CNTN4: variants seen among roughly 807,000 people sequenced by gnomAD.
The protein encoded by CNTN4 is contactin-4.
Under a neutral mutation model 122.5 loss-of-function variants are expected in CNTN4, and 77 were observed. The observed-to-expected ratio is 0.63, with a 90% CI of 0.52 to 0.76. The LOEUF (loss-of-function observed/expected upper bound fraction) is 0.76, where lower values mean the gene tolerates loss of function less well. Ranked by LOEUF, CNTN4 falls within the 30% of genes least tolerant of loss-of-function variation. The pLI, the probability that CNTN4 is intolerant of heterozygous loss-of-function variation, is 0.00. For synonymous variants in CNTN4, 512 were observed against 447.0 expected (o/e 1.15, Z -1.83); for missense variants, 1,256 against 1,259.1 (o/e 1.00, Z 0.04).
At chr3:2,470,874 G>A (rs1229628426) in intron 3 of CNTN4, among the ~76,000 whole-genome samples, 1 of 152,128 alleles carries the variant, frequency 6.6e-6, no homozygotes, top group Non-Finnish European at 1.5e-5. Context: ...GAGACGTCTG[G>A]TATATGTAAG....
At chr3:2,495,401 C>T (rs1357970141) in intron 3 of CNTN4, among the ~76,000 whole-genome samples, 1 of 152,226 alleles carries the variant, frequency 6.6e-6, no homozygotes, top group South Asian at 2.1e-4. Context: ...ACAAATATGA[C>T]TTATTCAATA....
chr3:2,551,013 G>T (rs1182111674), intron 3 of CNTN4, among the ~76,000 whole-genome samples: 1 of 151,980 alleles, frequency 6.6e-6, no homozygotes, highest in Non-Finnish European at 1.5e-5. Flanking sequence ...ATGACAGGTT[G>T]ATGAGTGCAG....
intron 10 of CNTN4, among the ~76,000 whole-genome samples, chr3:2,894,815 C>G (rs970574944): frequency 6.6e-6 from 1 of 152,074 alleles, no homozygotes; most frequent in African/African-American, 2.4e-5. Context: ...TTTTGAAAAT[C>G]CACATATTGC....
At chr3:2,425,541 C>A (rs1273526658) in intron 3 of CNTN4, among the ~76,000 whole-genome samples, 1 of 151,896 alleles carries the variant, frequency 6.6e-6, no homozygotes, top group African/African-American at 2.4e-5. Context: ...TTAGGATTGT[C>A]TTGGCAATGT....
chr3:2,271,026 G>C (rs2041272219), intron 2 of CNTN4, among the ~76,000 whole-genome samples: 1 of 152,040 alleles, frequency 6.6e-6, no homozygotes, highest in South Asian at 2.1e-4. Flanking sequence ...TATTAACTTA[G>C]GGACCTCTCT....
intron 3 of CNTN4, among the ~76,000 whole-genome samples, chr3:2,450,603 C>T (rs1207310781): frequency 6.6e-6 from 1 of 152,006 alleles, no homozygotes; most frequent in African/African-American, 2.4e-5. Flanking sequence ...GTCACTTTGT[C>T]TCCTGTCCAG....
chr3:2,709,576 CAATTT>C lies in CNTN4; in HGVS notation c.56-26638_56-26634del, dbSNP rs1296859886. Among the ~76,000 whole-genome samples the C allele has an allele frequency of 1.3e-5, 2 of 152,132 alleles. No homozygotes were observed. The highest frequency in any genetic ancestry group is 6.5e-5 in the Admixed American group (1 of 15,282). ...CTCCTTTCCAATTCCATAAAATGAACAATTTCACATATTGAAAAATGTTTTTAATA... is the reference window on the plus strand; with the variant it reads ...CTCCTTTCCAATTCCATAAAATGAACCACATATTGAAAAATGTTTTTAATA... On this transcript the variant is annotated intron_variant, in intron 4 of 24. Transcript: ENST00000418658. The surrounding 1 kb of genome is among the most constrained non-coding windows in gnomAD (Gnocchi z 5.0).
intron 3 of CNTN4, among the ~76,000 whole-genome samples, chr3:2,493,372 A>G (rs1022389233): frequency 1.3e-5 from 2 of 151,840 alleles, no homozygotes; most frequent in African/African-American, 2.4e-5. Context: ...GTAGTGAGAT[A>G]ATATTTTAGC....
At chr3:2,597,739 G>T (rs75641127) in intron 4 of CNTN4, among the ~76,000 whole-genome samples, 4,979 of 152,160 alleles carry the variant, frequency 0.033, 281 homozygotes, top group African/African-American at 0.11. Context: ...GCATAAATGA[G>T]AAAACTGGAC....
At chr3:2,159,358 CAGA>C (rs2035859633) in intron 2 of CNTN4, among the ~76,000 whole-genome samples, 1 of 151,996 alleles carries the variant, frequency 6.6e-6, no homozygotes, top group African/African-American at 2.4e-5. Flanking sequence ...AATATCAAAA[CAGA>C]AAAAAAATTG....
chr3:2,181,005 A>G (rs528392387), intron 2 of CNTN4, among the ~76,000 whole-genome samples: 1 of 152,176 alleles, frequency 6.6e-6, no homozygotes, highest in East Asian at 1.9e-4. Context: ...TTAATTTCTT[A>G]TTGAGGACAA....
At chr3:2,707,230 C>T (rs950833349) in intron 4 of CNTN4, among the ~76,000 whole-genome samples, 4 of 151,454 alleles carry the variant, frequency 2.6e-5, no homozygotes, top group Non-Finnish European at 4.4e-5. Context: ...CACTGGAACC[C>T]AGGAGGTTGA....
chr3:2,232,459 A>C, intron 2 of CNTN4, among the ~76,000 whole-genome samples: 1 of 152,166 alleles, frequency 6.6e-6, no homozygotes, highest in East Asian at 1.9e-4. Context: ...TACTAGTACA[A>C]TGCAAGTTTT....
chr3:3,009,844 T>A (rs1697048020), intron 14 of CNTN4, among the ~76,000 whole-genome samples: 1 of 152,216 alleles, frequency 6.6e-6, no homozygotes, highest in Non-Finnish European at 1.5e-5. Context: ...AAAAAGCCTA[T>A]GTGAAGCCGT....
chr3:2,816,388 TA>T (rs1299155463), intron 6 of CNTN4, among the ~76,000 whole-genome samples: 2 of 150,902 alleles, frequency 1.3e-5, no homozygotes, highest in Non-Finnish European at 3.0e-5. Flanking sequence ...ATAAAATAAA[TA>T]AAAAAAGAAT....
chr3:2,957,379 T>G (rs999968232), intron 13 of CNTN4, among the ~76,000 whole-genome samples: 2 of 152,192 alleles, frequency 1.3e-5, no homozygotes, highest in African/African-American at 4.8e-5. Flanking sequence ...TGCATTTCTC[T>G]GATGATTAGT....
chr3:2,411,267 C>G (rs781660154), intron 3 of CNTN4, among the ~76,000 whole-genome samples: 5 of 152,102 alleles, frequency 3.3e-5, no homozygotes, highest in Non-Finnish European at 7.4e-5. Flanking sequence ...AGCAAACCAC[C>G]ATGATACACA....
At chr3:2,667,685 G>T (rs933955032) in intron 4 of CNTN4, among the ~76,000 whole-genome samples, 2 of 120,192 alleles carry the variant, frequency 1.7e-5, no homozygotes, top group African/African-American at 7.0e-5. Context: ...GTCCTGAATG[G>T]TAATGCCTAG....
At chr3:2,463,591 C>A (rs952809463) in intron 3 of CNTN4, among the ~76,000 whole-genome samples, 1 of 152,050 alleles carries the variant, frequency 6.6e-6, no homozygotes, top group Admixed American at 6.6e-5. Context: ...GAAACCCCAT[C>A]TCTACTAAAA....
Sources: gnomAD v4.1 joint callset for allele counts (sites outside exome capture counted in the v4.1 genomes callset) on GRCh38, gnomAD v4.1.1 for gene constraint, Gnocchi (gnomAD v3.1) non-coding constraint, MANE v1.5 for transcripts, NCBI Gene and HGNC (gene_info 2026-07-23, HGNC 2026-07-21) for gene names.